Variants in IMMP1L observed in about 807,000 individuals in gnomAD.
The protein encoded by IMMP1L is inner mitochondrial membrane peptidase subunit 1.
IMMP1L carries 24 observed loss-of-function variants against 21.8 expected under a neutral mutation model. The ratio of observed to expected loss-of-function variants is 1.10; its 90% CI spans 0.80 to 1.55. IMMP1L has a LOEUF of 1.55. Ranked by LOEUF, IMMP1L falls within the 40% of genes most tolerant of loss-of-function variation. The pLI is 0.00. For missense variants in IMMP1L, 195 were observed against 200.7 expected (o/e 0.97, Z 0.17); for synonymous variants, 46 against 62.8 (o/e 0.73, Z 1.26).
At chr11:31,449,778 A>G (rs1224691462) in intron 4 of IMMP1L, among the ~76,000 whole-genome samples, 1 of 152,234 alleles carries the variant, frequency 6.6e-6, no homozygotes, top group Non-Finnish European at 1.5e-5. Context: ...TATAATGCTG[A>G]CATCTATGGT....
At chr11:31,506,317 C>T (rs1205093322) in intron 1 of IMMP1L, among the ~76,000 whole-genome samples, 4 of 148,948 alleles carry the variant, frequency 2.7e-5, no homozygotes, top group Non-Finnish European at 4.4e-5. Context: ...CAAGCTCTGC[C>T]TCCCGGGTTC....
intron 4 of IMMP1L, among the ~76,000 whole-genome samples, chr11:31,450,427 T>C (rs1234470604): frequency 6.6e-6 from 1 of 152,168 alleles, no homozygotes; most frequent in Non-Finnish European, 1.5e-5. Flanking sequence ...AGTTCAGTAT[T>C]CCATAGTGAT....
At chr11:31,506,914 C>T in intron 1 of IMMP1L, among the ~76,000 whole-genome samples, 1 of 151,650 alleles carries the variant, frequency 6.6e-6, no homozygotes. Context: ...AAGCCGAGAT[C>T]ATGCCACTGC....
intron 1 of IMMP1L, among the ~76,000 whole-genome samples, chr11:31,504,314 G>C (rs368994667): frequency 6.6e-6 from 1 of 152,162 alleles, no homozygotes; most frequent in South Asian, 2.1e-4. Context: ...ATTTGGAAAC[G>C]AACTCTTATC....
rs564016034 is a variant in IMMP1L, at chr11:31,448,357, C to T, written c.321+7903G>A. ...AAAAAGATTGTTTTAGATTAGGAAG[C>T]CACATCACACTTGGAATATATTCTC... On this transcript the variant is annotated intron_variant, in intron 4 of 5. Coordinates refer to ENST00000532287, the MANE Select transcript of IMMP1L (RefSeq NM_001304274.2). Among the ~76,000 whole-genome samples, 13 of 152,202 alleles carry T rather than the reference C, an allele frequency of 8.5e-5. No homozygotes were observed. The South Asian group carries it at 2.5e-3, about 29-fold the overall frequency.
At chr11:31,453,537 A>G (rs1953833849) in intron 4 of IMMP1L, among the ~76,000 whole-genome samples, 1 of 152,192 alleles carries the variant, frequency 6.6e-6, no homozygotes, top group Non-Finnish European at 1.5e-5. Flanking sequence ...GTGCTTCTGA[A>G]ATAGCTAAAA....
At chr11:31,475,605 C>T (rs1954699207) in intron 1 of IMMP1L, among the ~76,000 whole-genome samples, 1 of 152,140 alleles carries the variant, frequency 6.6e-6, no homozygotes, top group Non-Finnish European at 1.5e-5. Flanking sequence ...CATCGTATAT[C>T]CCACTCTCTT....
intron 1 of IMMP1L, among the ~76,000 whole-genome samples, chr11:31,503,706 T>C (rs183045780): frequency 6.6e-5 from 10 of 152,322 alleles, no homozygotes; most frequent in African/African-American, 2.2e-4. Flanking sequence ...AAATCAATTA[T>C]GTGAAGGCTC....
At chr11:31,463,384 C>A (rs1954219051) in intron 1 of IMMP1L, 79 bp from the exon 2 acceptor site, 1 of 1,295,780 alleles carries the variant, frequency 7.7e-7, no homozygotes, top group Non-Finnish European at 1.0e-6. Context: ...AAATATTTTA[C>A]AATCACCCAA....
chr11:31,471,662 T>C (rs926435952), intron 1 of IMMP1L, among the ~76,000 whole-genome samples: 2 of 152,162 alleles, frequency 1.3e-5, no homozygotes, highest in African/African-American at 4.8e-5. Flanking sequence ...GTCAGTTTGA[T>C]GGTAGAAAAA....
At chr11:31,489,027 G>C (rs1190186867) in intron 1 of IMMP1L, among the ~76,000 whole-genome samples, 2 of 151,912 alleles carry the variant, frequency 1.3e-5, no homozygotes, top group Non-Finnish European at 1.5e-5. Context: ...CTCCCGAGTA[G>C]CTGGGACTAC....
intron 1 of IMMP1L, among the ~76,000 whole-genome samples, chr11:31,501,561 T>G (rs1407011971): frequency 1.3e-5 from 2 of 152,088 alleles, no homozygotes; most frequent in African/African-American, 4.8e-5. Flanking sequence ...CATTACCCAG[T>G]CTCAGGTATT....
chr11:31,485,156 T>C (rs1277521408), intron 1 of IMMP1L, among the ~76,000 whole-genome samples: 2 of 151,886 alleles, frequency 1.3e-5, no homozygotes, highest in African/African-American at 4.8e-5. Flanking sequence ...TGAAGTCAAA[T>C]CTGTGTTACT....
chr11:31,473,540 T>A (rs1169444634), intron 1 of IMMP1L, among the ~76,000 whole-genome samples: 1 of 152,178 alleles, frequency 6.6e-6, no homozygotes, highest in East Asian at 1.9e-4. Flanking sequence ...AATAGGCATC[T>A]GGGAATAGAG....
intron 4 of IMMP1L, among the ~76,000 whole-genome samples, chr11:31,455,824 C>T (rs946149876): frequency 3.3e-5 from 5 of 151,966 alleles, no homozygotes; most frequent in African/African-American, 1.2e-4. Flanking sequence ...CTGCAAGTGC[C>T]CTTCTTGGTG....
At chr11:31,434,287 T>C (rs1953036958) in intron 4 of IMMP1L, among the ~76,000 whole-genome samples, 2 of 152,174 alleles carry the variant, frequency 1.3e-5, no homozygotes, top group South Asian at 4.1e-4. Flanking sequence ...ACAAGATTTT[T>C]ACTCAGTGAC....
intron 4 of IMMP1L, among the ~76,000 whole-genome samples, chr11:31,435,367 C>T (rs997294723): frequency 1.5e-4 from 23 of 152,100 alleles, no homozygotes; most frequent in African/African-American, 5.3e-4. Flanking sequence ...ACATTATAAC[C>T]TTTAATATTA....
At chr11:31,472,328 T>C (rs1329150732) in intron 1 of IMMP1L, among the ~76,000 whole-genome samples, 1 of 152,216 alleles carries the variant, frequency 6.6e-6, no homozygotes, top group Admixed American at 6.5e-5. Flanking sequence ...TGGCATCATC[T>C]TGAAACTGAT....
intron 3 of IMMP1L, 140 bp downstream of exon 3, chr11:31,460,486 C>A (rs1954099994): frequency 1.7e-6 from 1 of 578,806 alleles, no homozygotes; most frequent in Non-Finnish European, 3.1e-6. Flanking sequence ...GAATATTTGA[C>A]TCAAAATTTT....
Sources: allele counts gnomAD v4.1 joint callset (sites outside exome capture counted in the v4.1 genomes callset), GRCh38; gene constraint gnomAD v4.1.1; transcripts MANE v1.5; gene names NCBI Gene and HGNC (gene_info 2026-07-23, HGNC 2026-07-21).